The following FILIP1L variants were observed in gnomAD, a reference collection of about 807,000 sequenced individuals.
FILIP1L encodes filamin A-interacting protein 1-like.
In FILIP1L, 55 loss-of-function variants were observed where a neutral mutation model predicts 96.6. The observed-to-expected ratio is 0.57, with a 90% CI of 0.46 to 0.71. The LOEUF is 0.71. Ranked by LOEUF, FILIP1L falls within the 30% of genes least tolerant of loss-of-function variation. FILIP1L has a pLI of 0.00. For missense variants in FILIP1L, 1,304 were observed against 1,321.2 expected (o/e 0.99, Z 0.20); for synonymous variants, 467 against 473.9 (o/e 0.99, Z 0.19).
intron 1 of FILIP1L, among the ~76,000 whole-genome samples, chr3:100,108,919 G>T (rs1230022903): frequency 6.6e-6 from 1 of 152,018 alleles, no homozygotes; most frequent in African/African-American, 2.4e-5. Flanking sequence ...TCAGAAGCCA[G>T]CAGCTTCTGG....
At chr3:100,066,685 C>T (rs1264494112) in intron 1 of FILIP1L, among the ~76,000 whole-genome samples, 1 of 132,034 alleles carries the variant, frequency 7.6e-6, no homozygotes, top group African/African-American at 2.7e-5. Context: ...GCGCCCGCCA[C>T]TACGCCCGGC....
At chr3:99,946,193 G>T (rs1708002423) in intron 1 of FILIP1L, among the ~76,000 whole-genome samples, 1 of 152,138 alleles carries the variant, frequency 6.6e-6, no homozygotes, top group Non-Finnish European at 1.5e-5. Flanking sequence ...TTAAAAAATT[G>T]GGTATGTCTA....
intron 5 of FILIP1L, among the ~76,000 whole-genome samples, chr3:99,838,409 A>G (rs912189023): frequency 4.6e-5 from 7 of 152,308 alleles, no homozygotes; most frequent in Admixed American, 2.6e-4. Context: ...GCATTGATAC[A>G]GACCCTTCAG....
chr3:99,991,929 CAT>C lies in FILIP1L; in HGVS notation c.-10-60901_-10-60900del, dbSNP rs547598647. On this transcript the variant is annotated intron_variant, in intron 1 of 5. Transcript: ENST00000477258. ...ATACATATATAGGTATATATACACA[CAT>C]ATGTATGTGTATATATGTGTATATA... Among the ~76,000 whole-genome samples, 299 of 145,216 alleles carry C rather than the reference CAT, an allele frequency of 2.1e-3. 2 individuals carry two copies. The Middle Eastern group carries it at 0.022, about 10-fold the overall frequency.
chr3:99,894,322 C>G (rs1170442995), intron 4 of FILIP1L, among the ~76,000 whole-genome samples: 1 of 152,124 alleles, frequency 6.6e-6, no homozygotes, highest in South Asian at 2.1e-4. Context: ...AGATCTGCCC[C>G]ATTTGTTCAT....
chr3:99,849,466 C>T lies in FILIP1L; in HGVS notation c.2210G>A (p.Cys737Tyr), dbSNP rs1368987126. The T allele has an allele frequency of 6.2e-7, 1 of 1,613,784 alleles. No individual in the cohort carries two copies. The highest frequency in any genetic ancestry group is 2.2e-5 in the East Asian group (1 of 44,872). Residue 737 changes from cysteine to tyrosine, a missense_variant, in exon 5 of 6, where the codon TGT becomes TAT. Cys to Tyr is a radical substitution (Grantham distance 194). Transcript: ENST00000477258. ...GACTGAGTGATCTCCCTGGAGGTGA[C>T]ATATTAGGTCTTCAGTTGCCATGTA... is the stretch of plus-strand genomic sequence containing the variant. The part of the protein sequence containing the change: ...HEYMATEDLI[C>Y]HLQGDHSVLQ...
At chr3:99,926,434 T>G (rs751636769) in intron 3 of FILIP1L, among the ~76,000 whole-genome samples, 3 of 152,236 alleles carry the variant, frequency 2.0e-5, no homozygotes, top group Non-Finnish European at 4.4e-5. Context: ...TTCAAACCAC[T>G]GCAGCCCTCT....
chr3:99,927,786 T>C (rs1038392820), intron 3 of FILIP1L, among the ~76,000 whole-genome samples: 9 of 152,164 alleles, frequency 5.9e-5, no homozygotes, highest in Admixed American at 3.9e-4. Flanking sequence ...AGGTCAAAAC[T>C]CTTGTGGACT....
chr3:100,013,466 A>C (rs904291163), intron 1 of FILIP1L, among the ~76,000 whole-genome samples: 3 of 151,056 alleles, frequency 2.0e-5, no homozygotes, highest in African/African-American at 7.3e-5. Context: ...CTGGTCTCAA[A>C]CTCCTGACCT....
intron 1 of FILIP1L, among the ~76,000 whole-genome samples, chr3:100,100,620 A>C (rs1248922105): frequency 6.6e-6 from 1 of 152,198 alleles, no homozygotes; most frequent in African/African-American, 2.4e-5. Context: ...GAGGAAGGGA[A>C]GAATCAGAGG....
In FILIP1L at chr3:99,924,305, T is replaced by A. The variant is rs894123580; in HGVS notation, c.530A>T (p.Glu177Val). The change falls in exon 4 of 6, where the codon GAA becomes GTA. Residue 177 changes from glutamate (E) to valine (V), a missense_variant. Transcript: ENST00000477258. ...GTATTCTTTATGTTTTCTCTTTTCT[T>A]CCTCCAACTCCAATATGGTTTGCCT... Reference protein sequence around the residue: ...SRRQTILELEEEKRKHKEYME... With the variant: ...SRRQTILELEVEKRKHKEYME... 14 of 1,613,932 alleles carry A rather than the reference T, an allele frequency of 8.7e-6. No individual in the cohort carries two copies. The highest frequency in any genetic ancestry group is 1.1e-5 in the Non-Finnish European group (13 of 1,179,944).
At chr3:100,105,238 A>C (rs1405768883) in intron 1 of FILIP1L, among the ~76,000 whole-genome samples, 2 of 152,214 alleles carry the variant, frequency 1.3e-5, no homozygotes, top group African/African-American at 4.8e-5. Context: ...CAGAGCTTAA[A>C]GTTGAAATAA....
intron 1 of FILIP1L, among the ~76,000 whole-genome samples, chr3:100,018,946 G>T (rs2107221782): frequency 6.6e-6 from 1 of 152,272 alleles, no homozygotes; most frequent in East Asian, 1.9e-4. Flanking sequence ...ATAAAAAGGT[G>T]TTGAACTTCA....
intron 1 of FILIP1L, among the ~76,000 whole-genome samples, chr3:100,097,571 A>G (rs2066232749): frequency 6.6e-6 from 1 of 152,184 alleles, no homozygotes; most frequent in African/African-American, 2.4e-5. Flanking sequence ...TCAGTATACA[A>G]GCCTATATAT....
At chr3:99,845,934 G>A (rs1943344111) in intron 5 of FILIP1L, among the ~76,000 whole-genome samples, 1 of 152,166 alleles carries the variant, frequency 6.6e-6, no homozygotes, top group African/African-American at 2.4e-5. Context: ...TACTTAGGAA[G>A]CCTCTATATA....
chr3:99,968,297 T>G (rs1708712946), intron 1 of FILIP1L, among the ~76,000 whole-genome samples: 1 of 152,056 alleles, frequency 6.6e-6, no homozygotes, highest in Middle Eastern at 3.2e-3. Context: ...GAAAGTTTGG[T>G]CTTATTGTAG....
intron 4 of FILIP1L, among the ~76,000 whole-genome samples, chr3:99,872,576 G>GC (rs921853831): frequency 1.3e-5 from 2 of 151,610 alleles, no homozygotes; most frequent in African/African-American, 4.9e-5. Flanking sequence ...TCCCCTGCCT[G>GC]CCCCCACAAA....
At chr3:100,034,510 G>A (rs531165304) in intron 1 of FILIP1L, among the ~76,000 whole-genome samples, 2 of 152,134 alleles carry the variant, frequency 1.3e-5, no homozygotes, top group African/African-American at 2.4e-5. Context: ...TAATCCAAAA[G>A]GTTCTTTGTG....
chr3:100,112,255 G>A (rs1356016585), intron 1 of FILIP1L, among the ~76,000 whole-genome samples: 2 of 152,058 alleles, frequency 1.3e-5, no homozygotes, highest in Non-Finnish European at 2.9e-5. Context: ...GTATTACATT[G>A]GTAATGAAAA....
Sources: gnomAD v4.1 joint callset for allele counts (sites outside exome capture counted in the v4.1 genomes callset) on GRCh38, gnomAD v4.1.1 for gene constraint, MANE v1.5 for transcripts, NCBI Gene and HGNC (gene_info 2026-07-23, HGNC 2026-07-21) for gene names.